Variants in SPMIP2 observed in about 807,000 individuals in gnomAD.
SPMIP2 encodes protein SPMIP2.
At chr4:158,948,305 A>C in the SPMIP2 span, among the ~76,000 whole-genome samples, 1 of 152,076 alleles carries the variant, frequency 6.6e-6, no homozygotes, top group Non-Finnish European at 1.5e-5. Flanking sequence ...TGGGGGGAAA[A>C]AAAGCTTGGA....
the SPMIP2 span, among the ~76,000 whole-genome samples, chr4:158,940,540 CCTAATT>C: frequency 7.0e-6 from 1 of 143,494 alleles, no homozygotes; most frequent in African/African-American, 2.6e-5. Flanking sequence ...GTGGTGATGT[CCTAATT>C]CTGTTGTTCC....
chr4:158,917,371 G>T, the SPMIP2 span, among the ~76,000 whole-genome samples: 1 of 152,042 alleles, frequency 6.6e-6, no homozygotes. Context: ...AGGTTGCAGT[G>T]AGCTGAGATC....
At chr4:158,997,477 A>G in the SPMIP2 span, among the ~76,000 whole-genome samples, 100,799 of 151,998 alleles carry the variant, frequency 0.66, 33,541 homozygotes, top group Middle Eastern at 0.73. Context: ...TGATCTGCCC[A>G]CCTCAAAAGT....
chr4:158,949,898 A>G, the SPMIP2 span, among the ~76,000 whole-genome samples: 1 of 152,234 alleles, frequency 6.6e-6, no homozygotes, highest in Non-Finnish European at 1.5e-5. Context: ...GGCAATATTG[A>G]AAAGAGCTGT....
At chr4:158,959,612 C>T in the SPMIP2 span, among the ~76,000 whole-genome samples, 1 of 152,192 alleles carries the variant, frequency 6.6e-6, no homozygotes, top group Middle Eastern at 3.4e-3. Flanking sequence ...GTAAAATAAG[C>T]CCCAGAAATC....
the SPMIP2 span, among the ~76,000 whole-genome samples, chr4:159,048,683 AG>A: frequency 1.3e-5 from 2 of 151,568 alleles, no homozygotes; most frequent in African/African-American, 4.8e-5. Flanking sequence ...ATATTGTCAA[AG>A]AAATTTGTTT....
At chr4:158,935,790 G>A in the SPMIP2 span, among the ~76,000 whole-genome samples, 19 of 152,306 alleles carry the variant, frequency 1.2e-4, no homozygotes, top group East Asian at 3.3e-3. Flanking sequence ...GACTGGCTGT[G>A]CCTTACTTAT....
At chr4:158,922,255 C>T in the SPMIP2 span, among the ~76,000 whole-genome samples, 1 of 152,206 alleles carries the variant, frequency 6.6e-6, no homozygotes, top group Non-Finnish European at 1.5e-5. Flanking sequence ...TGCCACCCCC[C>T]TCTGCCTTGT....
chr4:158,993,779 C>T, the SPMIP2 span, among the ~76,000 whole-genome samples: 1 of 152,172 alleles, frequency 6.6e-6, no homozygotes, highest in Non-Finnish European at 1.5e-5. Context: ...TAGTTTCTCT[C>T]CTTTCTAATC....
the SPMIP2 span, among the ~76,000 whole-genome samples, chr4:158,979,729 CCT>C: frequency 1.3e-5 from 2 of 151,466 alleles, no homozygotes; most frequent in African/African-American, 4.9e-5. Flanking sequence ...CCACCAGGGC[CCT>C]GTGTTTCAAG....
At chr4:159,074,684 T>C in the SPMIP2 span, among the ~76,000 whole-genome samples, 4 of 152,158 alleles carry the variant, frequency 2.6e-5, no homozygotes, top group African/African-American at 9.7e-5. Flanking sequence ...ATGGAGCACA[T>C]GTTTTACAAT....
At chr4:159,018,588 C>T in the SPMIP2 span, among the ~76,000 whole-genome samples, 1 of 152,144 alleles carries the variant, frequency 6.6e-6, no homozygotes, top group African/African-American at 2.4e-5. Context: ...AAAAAAATGT[C>T]CAAACTATAA....
chr4:158,927,793 G>A, the SPMIP2 span, among the ~76,000 whole-genome samples: 7 of 152,236 alleles, frequency 4.6e-5, no homozygotes, highest in African/African-American at 7.2e-5. Context: ...CCCCGCACTC[G>A]GAGCAGCCGG....
chr4:158,935,888 C>T, the SPMIP2 span, among the ~76,000 whole-genome samples: 27 of 152,214 alleles, frequency 1.8e-4, no homozygotes, highest in African/African-American at 4.8e-4. Context: ...AGAAGGGACC[C>T]GCCGGGGCTG....
the SPMIP2 span, among the ~76,000 whole-genome samples, chr4:159,020,349 A>G: frequency 6.6e-6 from 1 of 152,196 alleles, no homozygotes; most frequent in Non-Finnish European, 1.5e-5. Flanking sequence ...GGTAGGAGAT[A>G]GCAGAGGATC....
the SPMIP2 span, among the ~76,000 whole-genome samples, chr4:159,079,840 GGA>G: frequency 1.3e-5 from 2 of 151,884 alleles, no homozygotes; most frequent in Admixed American, 1.3e-4. Context: ...ATGGGTTTGA[GGA>G]GAGTGTTTTT....
chr4:158,923,366 T>C, the SPMIP2 span, among the ~76,000 whole-genome samples: 2 of 152,222 alleles, frequency 1.3e-5, no homozygotes, highest in African/African-American at 4.8e-5. Context: ...AGTCTTCTAG[T>C]TAATGCATAT....
the SPMIP2 span, among the ~76,000 whole-genome samples, chr4:158,999,822 T>G: frequency 6.6e-6 from 1 of 152,246 alleles, no homozygotes; most frequent in Non-Finnish European, 1.5e-5. Flanking sequence ...ATTAAATTTC[T>G]TTATCTGAAT....
At chr4:159,014,025 G>C in the SPMIP2 span, among the ~76,000 whole-genome samples, 3,597 of 152,238 alleles carry the variant, frequency 0.024, 147 homozygotes, top group African/African-American at 0.082. Flanking sequence ...TGGAAGAGGT[G>C]ATAGTTGCAA....
Sources: gnomAD v4.1 joint callset for allele counts (sites outside exome capture counted in the v4.1 genomes callset) on GRCh38, gnomAD v4.1.1 for gene constraint, MANE v1.5 for transcripts, NCBI Gene and HGNC (gene_info 2026-07-23, HGNC 2026-07-21) for gene names.